ADARB2: variants seen among roughly 807,000 people sequenced by gnomAD.
ADARB2 encodes the protein inactive double-stranded RNA-specific editase B2.
Under a neutral mutation model 62.2 loss-of-function variants are expected in ADARB2, and 25 were observed. The observed-to-expected ratio is 0.40, with a 90% CI of 0.29 to 0.56. The LOEUF (loss-of-function observed/expected upper bound fraction) is 0.56. Among genes scored for constraint, ADARB2 ranks in the 20% least tolerant of loss-of-function variants. The pLI is 0.43. For synonymous variants in ADARB2, 572 were observed against 500.8 expected, an observed-to-expected ratio of 1.14 and a Z score of -1.90; for missense variants, 1,071 against 1,077.4, an observed-to-expected ratio of 0.99 and a Z score of 0.08.
At chr10:1,331,016 A>C (rs772396923) in intron 3 of ADARB2, among the ~76,000 whole-genome samples, 27 of 152,240 alleles carry the variant, frequency 1.8e-4, no homozygotes, top group Non-Finnish European at 3.8e-4. Context: ...CAAATGGTAC[A>C]TTAAAAGATG....
intron 4 of ADARB2, among the ~76,000 whole-genome samples, chr10:1,259,596 C>G (rs1831114240): frequency 6.6e-6 from 1 of 152,000 alleles, no homozygotes; most frequent in Admixed American, 6.6e-5. Context: ...AAGACTAAAC[C>G]AAGGAAGAAG....
At chr10:1,580,196 G>A (rs1833078200) in intron 1 of ADARB2, among the ~76,000 whole-genome samples, 1 of 152,164 alleles carries the variant, frequency 6.6e-6, no homozygotes, top group Non-Finnish European at 1.5e-5. Flanking sequence ...GTACATTGGT[G>A]TACAGATTAT....
chr10:1,723,055 A>T (rs1835115002), intron 1 of ADARB2, among the ~76,000 whole-genome samples: 1 of 152,174 alleles, frequency 6.6e-6, no homozygotes, highest in African/African-American at 2.4e-5. Flanking sequence ...TGGACAACAC[A>T]TGTCACTAAG....
chr10:1,341,144 A>C (rs988024299), intron 3 of ADARB2, among the ~76,000 whole-genome samples: 11 of 151,544 alleles, frequency 7.3e-5, no homozygotes, highest in African/African-American at 2.7e-4. Context: ...CATGCCCCAA[A>C]GCAGTGATAA....
intron 2 of ADARB2, among the ~76,000 whole-genome samples, chr10:1,373,367 G>T (rs895045636): frequency 2.0e-5 from 3 of 151,924 alleles, no homozygotes; most frequent in African/African-American, 7.3e-5. Context: ...GTTGGTAAAG[G>T]CTCCTCAGAG....
Position 1,255,120 on chromosome 10 carries a change from G to A in ADARB2, c.1193-12821C>T, listed in dbSNP as rs1453237481. ...CATGCCGGGGCTCAGCCCCAGTGAGGGAGCAAGCGGGGCCAATGCTCTGAG... is the reference window on the plus strand; with the variant it reads ...CATGCCGGGGCTCAGCCCCAGTGAGAGAGCAAGCGGGGCCAATGCTCTGAG... On this transcript the variant is annotated intron_variant, in intron 4 of 9. Coordinates refer to ENST00000381312, the MANE Select transcript of ADARB2 (RefSeq NM_018702.4). The surrounding 1 kb of genome is among the most constrained non-coding windows in gnomAD (Gnocchi z 4.7). 1.3e-5 allele frequency among the ~76,000 whole-genome samples: 2 copies of A among 152,262 alleles called. No individual in the cohort carries two copies. Among genetic ancestry groups the A allele is most frequent in the Admixed American group, 1.3e-4 (2 of 15,290 alleles).
intron 1 of ADARB2, among the ~76,000 whole-genome samples, chr10:1,727,266 AC>A (rs1481524505): frequency 6.6e-6 from 1 of 152,158 alleles, no homozygotes; most frequent in Non-Finnish European, 1.5e-5. Context: ...AGGAGGAAGC[AC>A]CACCAGCACC....
At chr10:1,540,502 C>G (rs1832405244) in intron 1 of ADARB2, among the ~76,000 whole-genome samples, 1 of 112,576 alleles carries the variant, frequency 8.9e-6, no homozygotes, top group Non-Finnish European at 2.0e-5. Context: ...GACCCTGGAT[C>G]ACAGCCGCCC....
chr10:1,481,022 A>T (rs1564303042), intron 1 of ADARB2, among the ~76,000 whole-genome samples: 2 of 152,238 alleles, frequency 1.3e-5, no homozygotes, highest in Non-Finnish European at 1.5e-5. Context: ...CTTTAAGAAA[A>T]GGAGAACAAA....
At chr10:1,581,615 T>C (rs762076517) in intron 1 of ADARB2, among the ~76,000 whole-genome samples, 2 of 152,220 alleles carry the variant, frequency 1.3e-5, no homozygotes, top group African/African-American at 2.4e-5. Flanking sequence ...ACCTCATGGA[T>C]AATTTTTGAG....
In ADARB2 at chr10:1,585,827, G is replaced by C. The variant is rs1361326207; in HGVS notation, c.100+151224C>G. ...AGGTGGGCAGATCACGAGGTCAGGA[G>C]ATCGAGACCATCCTGGCTAACACGG... On this transcript the variant is annotated intron_variant, in intron 1 of 9. Transcript: ENST00000381312. Among the ~76,000 whole-genome samples, 3 of 152,304 alleles carry C rather than the reference G, an allele frequency of 2.0e-5. No homozygotes were observed. In the East Asian group the frequency reaches 5.8e-4, roughly 29 times the overall value.
At chr10:1,233,070 G>A (rs180736888) in intron 6 of ADARB2, among the ~76,000 whole-genome samples, 1 of 152,214 alleles carries the variant, frequency 6.6e-6, no homozygotes, top group African/African-American at 2.4e-5. Context: ...GATGTCAAGG[G>A]TGGCTTCAAG....
intron 1 of ADARB2, among the ~76,000 whole-genome samples, chr10:1,712,718 C>T (rs373512755): frequency 1.3e-4 from 19 of 143,500 alleles, no homozygotes; most frequent in East Asian, 8.3e-4. Context: ...ACGCCATTCT[C>T]CTGCCTCAGC....
At chr10:1,387,928 A>T (rs555754882) in intron 1 of ADARB2, among the ~76,000 whole-genome samples, 74 of 152,196 alleles carry the variant, frequency 4.9e-4, no homozygotes, top group Admixed American at 1.6e-3. Context: ...GGAATGCAAG[A>T]TTGGTTTACA....
At chr10:1,199,937 T>G in intron 8 of ADARB2, 29 bp downstream of exon 8, 1 of 1,482,442 alleles carries the variant, frequency 6.7e-7, no homozygotes, top group Non-Finnish European at 9.0e-7. Flanking sequence ...GGGAAGGAGG[T>G]GGAGGGCCCC....
At chr10:1,718,176 G>A (rs537467664) in intron 1 of ADARB2, among the ~76,000 whole-genome samples, 2 of 152,280 alleles carry the variant, frequency 1.3e-5, no homozygotes, top group South Asian at 4.2e-4. Context: ...TCATAGGAAG[G>A]TGATGGCCGG....
At chr10:1,371,783 GTAAAAAAA>G (rs746576364) in intron 2 of ADARB2, among the ~76,000 whole-genome samples, 1 of 32,962 alleles carries the variant, frequency 3.0e-5, no homozygotes, top group Non-Finnish European at 7.1e-5. Flanking sequence ...TTATTAAAAA[GTAAAAAAA>G]AAAAAAAAAA....
intron 9 of ADARB2, among the ~76,000 whole-genome samples, chr10:1,183,763 G>T (rs1405635531): frequency 6.6e-6 from 1 of 152,148 alleles, no homozygotes; most frequent in African/African-American, 2.4e-5. Context: ...CGTTTCCTCT[G>T]TTAGCTTTCT....
At chr10:1,663,420 C>A (rs1435947323) in intron 1 of ADARB2, among the ~76,000 whole-genome samples, 1 of 152,196 alleles carries the variant, frequency 6.6e-6, no homozygotes, top group Non-Finnish European at 1.5e-5. Context: ...CCCGAAACGC[C>A]CTCCGTGCTC....
Sources: allele counts gnomAD v4.1 joint callset (sites outside exome capture counted in the v4.1 genomes callset), GRCh38; gene constraint gnomAD v4.1.1; non-coding constraint Gnocchi (gnomAD v3.1); transcripts MANE v1.5; gene names NCBI Gene and HGNC (gene_info 2026-07-23, HGNC 2026-07-21).